ZNF487: variants seen among roughly 807,000 people sequenced by gnomAD.
The protein encoded by ZNF487 is zinc finger protein 487.
In ZNF487, 4 loss-of-function variants were observed where a neutral mutation model predicts 3.0. The ratio of observed to expected loss-of-function variants is 1.35; its 90% CI spans 0.66 to 3.08. The LOEUF (loss-of-function observed/expected upper bound fraction) is 3.08, where lower values mean the gene tolerates loss of function less well. ZNF487 is among the 30% of genes most tolerant of loss of function. ZNF487 has a pLI of 0.01. For synonymous variants in ZNF487, 55 were observed against 34.6 expected (o/e 1.59, Z -2.06); for missense variants, 146 against 98.7 (o/e 1.48, Z -2.03).
chr10:43,464,152 A>C (rs1021419193), intron 1 of ZNF487, among the ~76,000 whole-genome samples: 3 of 151,924 alleles, frequency 2.0e-5, no homozygotes, highest in Non-Finnish European at 4.4e-5. Flanking sequence ...GAACAGCCCA[A>C]ATGTAAATGC....
At chr10:43,471,306 TGCTC>T (rs2132123813) in intron 1 of ZNF487, among the ~76,000 whole-genome samples, 1 of 152,248 alleles carries the variant, frequency 6.6e-6, no homozygotes, top group African/African-American at 2.4e-5. Context: ...ATCCCACACT[TGCTC>T]GCACACTTGG....
rs2812799 is a variant in ZNF487, at chr10:43,441,796, A to G, written c.-94+4534A>G. Among the ~76,000 whole-genome samples, 1,476 of 152,210 alleles carry G rather than the reference A, an allele frequency of 9.7e-3. 13 individuals carry two copies. The highest frequency in any genetic ancestry group is 0.017 in the Non-Finnish European group (1,140 of 68,014). ...GAGACGGGGTTTCACCATGTTGGCC[A>G]GGCATGTCTTGAACTCCTGACCTCA... On this transcript the variant is annotated intron_variant, in intron 1 of 3. Transcript: ENST00000437590.
intron 3 of ZNF487, among the ~76,000 whole-genome samples, chr10:43,481,203 T>C (rs1442328110): frequency 6.6e-6 from 1 of 151,844 alleles, no homozygotes; most frequent in Admixed American, 6.6e-5. Context: ...TGGTGGTACA[T>C]ACTTGTAATC....
rs943124543 is a variant in ZNF487 at position 43,448,114 on chromosome 10, G to A, written c.-94+10852G>A. On this transcript the variant is annotated intron_variant, in intron 1 of 3. Coordinates refer to ENST00000437590, the MANE Select transcript of ZNF487 (RefSeq NM_001355444.3). ...ACGCTATTCTCCTGCCTCAGCCTCC[G>A]GAGTAGCTGGGACTATAGGTGCCTG... 1.7e-4 allele frequency among the ~76,000 whole-genome samples: 25 copies of A among 148,186 alleles called. 1 individual carries two copies. The highest frequency in any genetic ancestry group is 1.3e-3 in the South Asian group (6 of 4,616).
chr10:43,489,771 A>G, the ZNF487 span, among the ~76,000 whole-genome samples: 1 of 152,256 alleles, frequency 6.6e-6, no homozygotes, highest in Non-Finnish European at 1.5e-5. Flanking sequence ...TTTCACTGAG[A>G]AAGGTACATT....
chr10:43,467,137 A>G (rs752099337), intron 1 of ZNF487, among the ~76,000 whole-genome samples: 3 of 151,952 alleles, frequency 2.0e-5, no homozygotes, highest in Non-Finnish European at 4.4e-5. Context: ...AGCCTCCCAT[A>G]GTGCTAGGAT....
the ZNF487 span, among the ~76,000 whole-genome samples, chr10:43,504,031 G>A: frequency 6.6e-5 from 10 of 152,258 alleles, no homozygotes; most frequent in East Asian, 1.2e-3. Context: ...GGTTTGTAGC[G>A]TAGGAGCAAT....
the ZNF487 span, among the ~76,000 whole-genome samples, chr10:43,506,697 G>A: frequency 3.3e-5 from 5 of 152,194 alleles, no homozygotes; most frequent in South Asian, 1.0e-3. Context: ...ACTTATTCCC[G>A]AGTGAAATAT....
At chr10:43,471,490 T>C (rs1042510432) in intron 1 of ZNF487, among the ~76,000 whole-genome samples, 1 of 152,184 alleles carries the variant, frequency 6.6e-6, no homozygotes, top group Non-Finnish European at 1.5e-5. Flanking sequence ...AGGGCCAGCG[T>C]GACAGTCTTT....
chr10:43,446,603 C>T (rs569015783), intron 1 of ZNF487, among the ~76,000 whole-genome samples: 135 of 148,040 alleles, frequency 9.1e-4, no homozygotes, highest in African/African-American at 2.5e-3. Context: ...ACAGGGCGGC[C>T]GGGCAGGGGC....
chr10:43,484,149 A>G (rs576592481), downstream of ZNF487, among the ~76,000 whole-genome samples: 388 of 152,034 alleles, frequency 2.6e-3, no homozygotes, highest in Non-Finnish European at 4.2e-3. Flanking sequence ...GATTACAGGC[A>G]TGAGCCACCA....
intron 1 of ZNF487, among the ~76,000 whole-genome samples, chr10:43,439,653 G>A (rs150927688): frequency 4.8e-4 from 73 of 152,152 alleles, no homozygotes; most frequent in African/African-American, 1.5e-3. Context: ...GCAGTGAGCC[G>A]AGATGGCACC....
chr10:43,501,199 A>G, the ZNF487 span, among the ~76,000 whole-genome samples: 1 of 152,198 alleles, frequency 6.6e-6, no homozygotes, highest in African/African-American at 2.4e-5. Flanking sequence ...CAGTAAAAAT[A>G]TAGTATAAAA....
chr10:43,440,817 G>A (rs1564410088), intron 1 of ZNF487, among the ~76,000 whole-genome samples: 1 of 151,728 alleles, frequency 6.6e-6, no homozygotes, highest in Non-Finnish European at 1.5e-5. Flanking sequence ...GACTAAAATT[G>A]TTTGTATCCC....
intron 1 of ZNF487, among the ~76,000 whole-genome samples, chr10:43,463,234 CA>C (rs141638951): frequency 0.2 from 28,348 of 144,030 alleles, 2,895 homozygotes; most frequent in African/African-American, 0.23. Context: ...AACTCCATCT[CA>C]AAAAAAAAAA....
the ZNF487 span, among the ~76,000 whole-genome samples, chr10:43,511,413 G>A: frequency 1.4e-4 from 21 of 152,186 alleles, no homozygotes; most frequent in African/African-American, 4.6e-4. Context: ...TCCACAGATG[G>A]TAGTCTTGGC....
Position 43,482,246 on chromosome 10 carries a change from A to G in ZNF487, c.*324A>G. On this transcript the variant is annotated 3_prime_UTR_variant, in exon 4 of 4. Coordinates refer to ENST00000437590, the MANE Select transcript of ZNF487 (RefSeq NM_001355444.3). Reference sequence around the variant, plus strand: ...AACACATATAGGAAAGAATGCCTATAAAATTAATCAGTATGCTAGTACATT... The same window carrying G: ...AACACATATAGGAAAGAATGCCTATGAAATTAATCAGTATGCTAGTACATT... The G allele has an allele frequency of 2.4e-6, 1 of 411,414 alleles. No homozygotes were observed. Among genetic ancestry groups the G allele is most frequent in the South Asian group, 2.2e-5 (1 of 44,986 alleles). The allele number at this position is 411,414 out of a possible 1,614,324, so 25.5% of individuals were successfully genotyped here.
intron 1 of ZNF487, among the ~76,000 whole-genome samples, chr10:43,462,817 T>C (rs1840481392): frequency 1.3e-5 from 2 of 151,710 alleles, no homozygotes; most frequent in South Asian, 4.2e-4. Context: ...TCACCCAGGC[T>C]GGAGTGCAGT....
At chr10:43,467,444 C>T (rs1840748042) in intron 1 of ZNF487, among the ~76,000 whole-genome samples, 1 of 151,920 alleles carries the variant, frequency 6.6e-6, no homozygotes, top group African/African-American at 2.4e-5. Context: ...ACCTCGTGAT[C>T]TGCCTGCCTC....
Sources: gnomAD v4.1 joint callset for allele counts (sites outside exome capture counted in the v4.1 genomes callset) on GRCh38, gnomAD v4.1.1 for gene constraint, MANE v1.5 for transcripts, NCBI Gene and HGNC (gene_info 2026-07-23, HGNC 2026-07-21) for gene names.